RIN2: variants seen among roughly 807,000 people sequenced by gnomAD.
RIN2 encodes Ras and Rab interactor 2, also known as RAB5 interacting protein 2.
RIN2 carries 36 observed loss-of-function variants against 78.0 expected under a neutral mutation model. That is an observed-to-expected ratio of 0.46 (90% CI 0.35 to 0.61). RIN2 has a LOEUF of 0.61. Ranked by LOEUF, RIN2 falls within the 20% of genes least tolerant of loss-of-function variation. The pLI is 0.00. For missense variants in RIN2, 1,087 were observed against 1,159.7 expected, an observed-to-expected ratio of 0.94 and a Z score of 0.91; for synonymous variants, 466 against 466.8, an observed-to-expected ratio of 1.00 and a Z score of 0.02.
chr20:19,782,177 C>T (rs2034530783), intron 1 of RIN2, among the ~76,000 whole-genome samples: 1 of 152,194 alleles, frequency 6.6e-6, no homozygotes, highest in Non-Finnish European at 1.5e-5. Context: ...TCTGTCTTTC[C>T]CACTAAAACT....
intron 2 of RIN2, among the ~76,000 whole-genome samples, chr20:19,843,375 T>C (rs1337013311): frequency 6.6e-6 from 1 of 152,228 alleles, no homozygotes; most frequent in Non-Finnish European, 1.5e-5. Context: ...CAAACATCAT[T>C]GTTGTCTTAT....
intron 7 of RIN2, among the ~76,000 whole-genome samples, chr20:19,970,009 C>T (rs1474187820): frequency 6.6e-6 from 1 of 152,206 alleles, no homozygotes; most frequent in Non-Finnish European, 1.5e-5. Flanking sequence ...TGGCAGGTCC[C>T]TGATGCTGGC....
chr20:19,820,955 T>C (rs1462194929), intron 2 of RIN2, among the ~76,000 whole-genome samples: 1 of 152,212 alleles, frequency 6.6e-6, no homozygotes, highest in Non-Finnish European at 1.5e-5. Flanking sequence ...TATGTGAAAT[T>C]ACTGAATATG....
chr20:19,960,556 TTC>T lies in RIN2; in HGVS notation c.352-142_352-141del, dbSNP rs976201085. 45 of 667,282 alleles carry T rather than the reference TTC, an allele frequency of 6.7e-5. No individual in the cohort carries two copies. The African/African-American group carries it at 7.7e-4, about 11-fold the overall frequency. 41.3% of individuals were successfully genotyped at this position (667,282 alleles called of 1,614,324 possible). ...TGCAGCCTGTGCTCTGAGCACCCCT[TTC>T]TATGGCAGGAGAGTTTCCTGCAGGG... On this transcript the variant is annotated intron_variant, in intron 5 of 12. Transcript: ENST00000255006.
intron 1 of RIN2, among the ~76,000 whole-genome samples, chr20:19,773,440 C>G (rs962618787): frequency 6.6e-6 from 1 of 152,116 alleles, no homozygotes; most frequent in African/African-American, 2.4e-5. Flanking sequence ...GTCAGGCATT[C>G]TCAGCAGTAA....
chr20:19,806,865 A>C (rs2035426208), intron 2 of RIN2, among the ~76,000 whole-genome samples: 1 of 135,222 alleles, frequency 7.4e-6, no homozygotes, highest in African/African-American at 2.8e-5. Flanking sequence ...CAACAGAGTA[A>C]GATCCTGTCT....
chr20:19,974,763 A>T lies in RIN2; in HGVS notation c.738A>T (p.Ile246=). 1 of 1,613,976 alleles carries T rather than the reference A, an allele frequency of 6.2e-7. No individual in the cohort carries two copies. The highest frequency in any genetic ancestry group is 1.6e-4 in the Middle Eastern group (1 of 6,062). The change falls in exon 9 of 13, where the codon ATA becomes ATT. Residue 246 remains isoleucine (I), a synonymous_variant. Transcript: ENST00000255006. The part of the protein sequence containing the change: ...CPASLRQLCL[I]NGVHSIKTRT... ...CCTCCCTGCGTCAGCTCTGCCTTAT[A>T]AATGGAGTGCATTCTATCAAAACCA...
At chr20:19,908,220 G>A (rs570058362) in intron 3 of RIN2, among the ~76,000 whole-genome samples, 4 of 152,258 alleles carry the variant, frequency 2.6e-5, no homozygotes, top group South Asian at 2.1e-4. Context: ...GGCCAGGCGC[G>A]GTGGCTCACA....
At chr20:19,858,478 G>T (rs1007057457) in intron 2 of RIN2, among the ~76,000 whole-genome samples, 2 of 152,180 alleles carry the variant, frequency 1.3e-5, no homozygotes, top group South Asian at 2.1e-4. Flanking sequence ...GTCTCTTAGA[G>T]TGTTTGGAGA....
At position 19,991,912 on chromosome 20, in the gene RIN2, A is replaced by G. The variant is rs144898158; in HGVS notation, c.2069-256A>G. On this transcript the variant is annotated intron_variant, in intron 10 of 12. Coordinates refer to ENST00000255006, the MANE Select transcript of RIN2 (RefSeq NM_018993.4). The stretch of plus-strand genomic sequence containing the variant: ...TCTATCACATAATTTTATACAAATT[A>G]TAAAAGTAGGGAGAAAATCTGTAAT... Among the ~76,000 whole-genome samples, 54 of 152,378 alleles carry G rather than the reference A, an allele frequency of 3.5e-4. 1 individual carries two copies. In the East Asian group the frequency reaches 9.4e-3, roughly 27 times the overall value.
chr20:19,772,065 A>G (rs1025368438), intron 1 of RIN2, among the ~76,000 whole-genome samples: 3 of 152,172 alleles, frequency 2.0e-5, no homozygotes, highest in African/African-American at 7.2e-5. Context: ...TCAGTTATGC[A>G]GTCCACCCAG....
chr20:19,762,032 T>G (rs544031237), intron 1 of RIN2, among the ~76,000 whole-genome samples: 1 of 152,322 alleles, frequency 6.6e-6, no homozygotes, highest in South Asian at 2.1e-4. Context: ...CATTCCTCTC[T>G]CCTTGGGTGC....
intron 6 of RIN2, among the ~76,000 whole-genome samples, chr20:19,964,512 G>A (rs577527135): frequency 2.0e-5 from 3 of 152,246 alleles, no homozygotes; most frequent in Admixed American, 2.0e-4. Flanking sequence ...TTTATCACAG[G>A]TGCTCTGTTA....
At chr20:19,994,094 C>G (rs1377466519) in intron 11 of RIN2, among the ~76,000 whole-genome samples, 2 of 152,240 alleles carry the variant, frequency 1.3e-5, no homozygotes, top group African/African-American at 4.8e-5. Flanking sequence ...GTCTTCTCCT[C>G]CACGAATCCC....
chr20:19,817,555 G>A (rs1263895619), intron 2 of RIN2, among the ~76,000 whole-genome samples: 1 of 152,160 alleles, frequency 6.6e-6, no homozygotes, highest in African/African-American at 2.4e-5. Context: ...AACACAATTA[G>A]CTAAAAAGAT....
At chr20:19,932,793 A>G (rs997907731) in intron 3 of RIN2, among the ~76,000 whole-genome samples, 7 of 152,232 alleles carry the variant, frequency 4.6e-5, no homozygotes, top group South Asian at 2.1e-4. Context: ...GTCAGAAGCT[A>G]CTTCACAGAT....
chr20:19,771,497 C>A (rs2034120805), intron 1 of RIN2, among the ~76,000 whole-genome samples: 1 of 152,202 alleles, frequency 6.6e-6, no homozygotes, highest in African/African-American at 2.4e-5. Flanking sequence ...CACACTTCCC[C>A]TGGGCTGTCC....
intron 7 of RIN2, among the ~76,000 whole-genome samples, chr20:19,966,725 G>A (rs202225923): frequency 1.9e-4 from 29 of 152,282 alleles, no homozygotes; most frequent in South Asian, 1.7e-3. Flanking sequence ...GGAATTCAGC[G>A]CTGCTCACCA....
Position 19,763,489 on chromosome 20 carries a change from C to T in RIN2, c.-163+5162C>T, listed in dbSNP as rs534208395. On this transcript the variant is annotated intron_variant, in intron 1 of 12. Transcript: ENST00000255006. ...ATAGAACCACACAAGTGAATACAGC[C>T]GCTAGCAAAACCACTCAATAGCATA... is the stretch of plus-strand genomic sequence containing the variant. Among the ~76,000 whole-genome samples the T allele has an allele frequency of 1.1e-4, 16 of 152,056 alleles. No individual in the cohort carries two copies. The South Asian group carries it at 1.5e-3, about 14-fold the overall frequency.
Sources: allele counts gnomAD v4.1 joint callset (sites outside exome capture counted in the v4.1 genomes callset), GRCh38; gene constraint gnomAD v4.1.1; transcripts MANE v1.5; gene names NCBI Gene and HGNC (gene_info 2026-07-23, HGNC 2026-07-21).